Variants in PCDHA7 observed in about 807,000 individuals in gnomAD.
PCDHA7 encodes the protein protocadherin alpha 7, also known as protocadherin alpha-7.
In PCDHA7, 37 loss-of-function variants were observed where a neutral mutation model predicts 57.2. That is an observed-to-expected ratio of 0.65 (90% CI 0.50 to 0.85). The LOEUF (loss-of-function observed/expected upper bound fraction) is 0.85, where lower values mean the gene tolerates loss of function less well. PCDHA7 is among the 40% of genes least tolerant of loss of function. PCDHA7 has a pLI of 0.00. For synonymous variants in PCDHA7, 553 were observed against 558.8 expected (o/e 0.99, Z 0.15); for missense variants, 1,188 against 1,241.8 (o/e 0.96, Z 0.65).
At position 140,836,050 on chromosome 5, in the gene PCDHA7, T is replaced by G. The variant is rs1344658459; in HGVS notation, c.1667T>G (p.Leu556Arg). 6.2e-7 allele frequency: 1 copy of G among 1,613,330 alleles called. No homozygotes were observed. Among genetic ancestry groups the G allele is most frequent in the Non-Finnish European group, 8.5e-7 (1 of 1,179,724 alleles). ...AACGTGACGCTGCAGGTGTTCGTGC[T>G]GGACGAGAACGACAACGCGCCGGCA... Reference protein sequence around the residue: ...GSNVTLQVFVLDENDNAPALL... With the variant: ...GSNVTLQVFVRDENDNAPALL... The change falls in exon 1 of 4, where the codon CTG becomes CGG. Residue 556 changes from leucine (L) to arginine (R), a missense_variant. Coordinates refer to ENST00000525929, the MANE Select transcript of PCDHA7 (RefSeq NM_018910.3).
Position 140,852,095 on chromosome 5 carries a change from A to T in PCDHA7, c.2355+15357A>T. The stretch of plus-strand genomic sequence containing the variant: ...CAGCTATTTTATTTAATATTGTGTC[A>T]GATATTTTACAAGGTATGACCTAAT... On this transcript the variant is annotated intron_variant, in intron 1 of 3. Transcript: ENST00000525929. 16 of 908,222 alleles carry T rather than the reference A, an allele frequency of 1.8e-5. 1 individual carries two copies. Among genetic ancestry groups the T allele is most frequent in the Non-Finnish European group, 2.1e-5 (16 of 745,934 alleles). The allele number at this position is 908,222 out of a possible 1,614,324, so 56.3% of individuals were successfully genotyped here.
chr5:140,940,208 A>C (rs1193106137), intron 1 of PCDHA7, among the ~76,000 whole-genome samples: 1 of 152,164 alleles, frequency 6.6e-6, no homozygotes, highest in Non-Finnish European at 1.5e-5. Context: ...AAAATTCAAG[A>C]TTGGCATTTA....
At chr5:140,921,992 C>T (rs963694302) in intron 1 of PCDHA7, among the ~76,000 whole-genome samples, 1 of 151,726 alleles carries the variant, frequency 6.6e-6, no homozygotes, top group East Asian at 1.9e-4. Context: ...AAAAAGAGTT[C>T]AATGAAATGA....
chr5:140,923,142 T>C (rs553287064), intron 1 of PCDHA7, among the ~76,000 whole-genome samples: 9 of 152,006 alleles, frequency 5.9e-5, no homozygotes, highest in Non-Finnish European at 1.2e-4. Context: ...AGGTGGAATA[T>C]AAAAAAAATT....
At chr5:140,850,291 C>T (rs782425750) in intron 1 of PCDHA7, 1 of 1,596,090 alleles carries the variant, frequency 6.3e-7, no homozygotes, top group African/African-American at 1.3e-5. Flanking sequence ...GCAGTGGACG[C>T]CGACTCGGGC....
intron 1 of PCDHA7, chr5:140,967,668 C>T (rs1554229751): frequency 1.2e-6 from 2 of 1,614,108 alleles, no homozygotes; most frequent in Non-Finnish European, 8.5e-7. Flanking sequence ...AGCTACACGT[C>T]GGACCGGGAG....
intron 1 of PCDHA7, among the ~76,000 whole-genome samples, chr5:140,898,903 C>T (rs1323359632): frequency 6.6e-6 from 1 of 152,100 alleles, no homozygotes; most frequent in Non-Finnish European, 1.5e-5. Context: ...AGAGGTCCTT[C>T]ACGTCCCTTG....
At position 140,836,439 on chromosome 5, in the gene PCDHA7, A is replaced by G; in HGVS notation, c.2056A>G (p.Ile686Val). 6.2e-7 allele frequency: 1 copy of G among 1,613,820 alleles called. No homozygotes were observed. Among genetic ancestry groups the G allele is most frequent in the Non-Finnish European group, 8.5e-7 (1 of 1,179,844 alleles). Reference sequence around the variant, plus strand: ...GGCGTCGTCGCGGGCATCGTTGGGCATTGCAGGCCCAGAGACCGAGCTGGT... The same window carrying G: ...GGCGTCGTCGCGGGCATCGTTGGGCGTTGCAGGCCCAGAGACCGAGCTGGT... ...PKASSRASLG[I>V]AGPETELVDV... The change falls in exon 1 of 4, where the codon ATT becomes GTT. Residue 686 changes from isoleucine to valine, a missense_variant. Ile to Val is a conservative substitution (Grantham distance 29, BLOSUM62 3). Around this residue, in one of 3 missense-constraint regions of PCDHA7, gnomAD observed 892 missense variants for 788.5 expected, o/e 1.13. Coordinates refer to ENST00000525929, the MANE Select transcript of PCDHA7 (RefSeq NM_018910.3).
rs79247475 is a variant in PCDHA7 at position 140,982,540 on chromosome 5, C to G, written c.2480C>G (p.Pro827Arg). The G allele has an allele frequency of 4.3e-3, 6,927 of 1,614,122 alleles. 34 individuals are homozygous for G. The highest frequency in any genetic ancestry group is 5.0e-3 in the South Asian group (455 of 91,080). Residue 827 changes from proline to arginine, a missense_variant, in exon 3 of 4, where the codon CCA becomes CGA. Physicochemically the swap from Pro to Arg is moderately radical, Grantham distance 103. Around this residue, in one of 3 missense-constraint regions of PCDHA7, gnomAD observed 892 missense variants for 788.5 expected, o/e 1.13. Transcript: ENST00000525929. ...AGPGGPDQQW[P>R]TVSSATPEPE... ...CCAGGAGGGCCTGATCAGCAGTGGC[C>G]AACAGTATCCAGTGCAACACCAGGT...
chr5:140,967,342 C>T (rs149890293), intron 1 of PCDHA7: 40 of 1,607,992 alleles, frequency 2.5e-5, no homozygotes, highest in Non-Finnish European at 3.4e-5. Context: ...CCAGCGAGCA[C>T]TTCGAGCTGG....
At chr5:140,873,476 G>A (rs2054312814) in intron 1 of PCDHA7, among the ~76,000 whole-genome samples, 1 of 151,958 alleles carries the variant, frequency 6.6e-6, no homozygotes, top group African/African-American at 2.4e-5. Flanking sequence ...CAAATTACTT[G>A]GACTGATTTC....
chr5:141,009,298 T>C (rs1196659486), intron 3 of PCDHA7, among the ~76,000 whole-genome samples: 1 of 152,130 alleles, frequency 6.6e-6, no homozygotes, highest in Non-Finnish European at 1.5e-5. Context: ...CTATAAAATT[T>C]TTTTTAAAAA....
At chr5:140,992,950 C>T (rs1435932636) in intron 3 of PCDHA7, among the ~76,000 whole-genome samples, 1 of 152,216 alleles carries the variant, frequency 6.6e-6, no homozygotes, top group East Asian at 1.9e-4. Context: ...GAGATTAAAT[C>T]ACCCCTTATA....
chr5:140,874,547 G>C (rs2054980934), intron 1 of PCDHA7, among the ~76,000 whole-genome samples: 1 of 152,190 alleles, frequency 6.6e-6, no homozygotes, highest in Non-Finnish European at 1.5e-5. Context: ...AACCCTTTAA[G>C]AGATCTTTCG....
At chr5:140,848,736 A>G (rs1339313623) in intron 1 of PCDHA7, 1 of 1,592,708 alleles carries the variant, frequency 6.3e-7, no homozygotes. Context: ...AAATCTGCAG[A>G]ATGGCATTTT....
At chr5:140,903,690 T>C (rs2070508211) in intron 1 of PCDHA7, among the ~76,000 whole-genome samples, 1 of 152,224 alleles carries the variant, frequency 6.6e-6, no homozygotes, top group African/African-American at 2.4e-5. Context: ...TGGTAAATAG[T>C]TTAAAATAGT....
chr5:140,841,919 T>G, intron 1 of PCDHA7: 3 of 1,613,892 alleles, frequency 1.9e-6, no homozygotes, highest in Non-Finnish European at 2.5e-6. Flanking sequence ...AAGAAAATCC[T>G]TGGACAGAGA....
Position 140,849,890 on chromosome 5 carries a change from G to A in PCDHA7, c.2355+13152G>A, listed in dbSNP as rs17844330. ...AGTCCGAGTACACGGTGTTCGTGAA[G>A]GAGAACAACCCGCCGGGCTGCCACA... On this transcript the variant is annotated intron_variant, in intron 1 of 3. Transcript: ENST00000525929. 4.5e-4 allele frequency: 715 copies of A among 1,598,648 alleles called. 25 individuals are homozygous for A. In the East Asian group the frequency reaches 0.016, roughly 35 times the overall value.
intron 1 of PCDHA7, chr5:140,927,314 C>G: frequency 6.2e-7 from 1 of 1,614,194 alleles, no homozygotes; most frequent in East Asian, 2.2e-5. Flanking sequence ...ACGCCCGGAG[C>G]CCGCTTTACT....
Sources: allele counts gnomAD v4.1 joint callset (sites outside exome capture counted in the v4.1 genomes callset), GRCh38; gene constraint gnomAD v4.1.1; regional missense constraint gnomAD v4.1.1; transcripts MANE v1.5; gene names NCBI Gene and HGNC (gene_info 2026-07-23, HGNC 2026-07-21).